The following EHBP1 variants were observed in gnomAD, a reference collection of about 807,000 sequenced individuals.
EHBP1 encodes the protein EH domain binding protein 1, also known as EH domain-binding protein 1.
A neutral mutation model predicts 144.0 loss-of-function variants in EHBP1; 55 were observed. That is an observed-to-expected ratio of 0.38 (90% CI 0.31 to 0.48). EHBP1 has a LOEUF of 0.48. Among genes scored for constraint, EHBP1 ranks in the 20% least tolerant of loss-of-function variants. The probability of loss-of-function intolerance (pLI) is 0.98; values close to 1 mark genes in which losing one functional copy is unlikely to be tolerated. For missense variants in EHBP1, 1,200 were observed against 1,364.2 expected, an observed-to-expected ratio of 0.88 and a Z score of 1.90; for synonymous variants, 469 against 472.7, an observed-to-expected ratio of 0.99 and a Z score of 0.10.
intron 15 of EHBP1, among the ~76,000 whole-genome samples, chr2:62,986,939 G>C (rs1472007341): frequency 6.6e-6 from 1 of 151,884 alleles, no homozygotes; most frequent in African/African-American, 2.4e-5. Context: ...TTATCAATTG[G>C]AAAAAAATCT....
intron 4 of EHBP1, among the ~76,000 whole-genome samples, chr2:62,769,163 A>G (rs878908951): frequency 2.4e-4 from 36 of 152,202 alleles, no homozygotes; most frequent in Non-Finnish European, 1.8e-4. Context: ...GGCCAGAGCA[A>G]TCAGGCAAGA....
At chr2:62,703,502 G>T (rs1333939184), upstream of EHBP1, among the ~76,000 whole-genome samples, 1 of 152,272 alleles carries the variant, frequency 6.6e-6, no homozygotes, top group Admixed American at 6.5e-5. Flanking sequence ...GCTCTGTAGG[G>T]CCTCCAGGAG....
At chr2:62,928,991 T>C (rs924014726) in intron 10 of EHBP1, among the ~76,000 whole-genome samples, 4 of 152,068 alleles carry the variant, frequency 2.6e-5, no homozygotes, top group East Asian at 1.9e-4. Context: ...CTAGGTGAAA[T>C]AGACAAATTC....
intron 5 of EHBP1, among the ~76,000 whole-genome samples, chr2:62,784,881 G>C (rs1244259740): frequency 1.3e-5 from 2 of 152,064 alleles, no homozygotes; most frequent in Non-Finnish European, 2.9e-5. Flanking sequence ...ATCACTTCTG[G>C]ACTATGAAAA....
At chr2:62,994,626 A>T (rs778637755) in intron 18 of EHBP1, among the ~76,000 whole-genome samples, 1 of 152,114 alleles carries the variant, frequency 6.6e-6, no homozygotes, top group Non-Finnish European at 1.5e-5. Context: ...TTTTGTCTGG[A>T]AGCATAGCTC....
At chr2:63,015,503 TG>T (rs1243025442) in intron 19 of EHBP1, among the ~76,000 whole-genome samples, 1 of 152,122 alleles carries the variant, frequency 6.6e-6, no homozygotes, top group African/African-American at 2.4e-5. Context: ...TTTGTGGTTT[TG>T]TGTTTGTTTG....
At chr2:62,893,366 G>A (rs2052615619) in intron 10 of EHBP1, among the ~76,000 whole-genome samples, 1 of 152,068 alleles carries the variant, frequency 6.6e-6, no homozygotes, top group African/African-American at 2.4e-5. Flanking sequence ...ATGTTAAAGT[G>A]CTGTAAAGTA....
At chr2:62,797,584 A>C (rs2043630691) in intron 5 of EHBP1, among the ~76,000 whole-genome samples, 1 of 152,226 alleles carries the variant, frequency 6.6e-6, no homozygotes, top group African/African-American at 2.4e-5. Context: ...AGCCAAGTTC[A>C]TTGTACACTT....
At chr2:63,041,176 A>G (rs566538464) in intron 21 of EHBP1, among the ~76,000 whole-genome samples, 1 of 152,328 alleles carries the variant, frequency 6.6e-6, no homozygotes, top group African/African-American at 2.4e-5. Context: ...AATATTCAAT[A>G]CATCCATTCT....
At chr2:62,746,065 T>C (rs2039120688) in intron 2 of EHBP1, among the ~76,000 whole-genome samples, 1 of 152,018 alleles carries the variant, frequency 6.6e-6, no homozygotes, top group South Asian at 2.1e-4. Flanking sequence ...AGTGCAGTAA[T>C]CTAGGTAAAA....
At chr2:62,792,053 TACA>T (rs1573373620) in intron 5 of EHBP1, among the ~76,000 whole-genome samples, 2 of 152,092 alleles carry the variant, frequency 1.3e-5, no homozygotes, top group East Asian at 1.9e-4. Context: ...GCCATCCAGA[TACA>T]ACATTAGACA....
intron 2 of EHBP1, among the ~76,000 whole-genome samples, chr2:62,729,514 A>AATATAAAAT (rs70962791): frequency 8.8e-6 from 1 of 113,846 alleles, no homozygotes; most frequent in Non-Finnish European, 1.7e-5. Flanking sequence ...AAATATAATA[A>AATATAAAAT]AATAAATAAA....
intron 19 of EHBP1, among the ~76,000 whole-genome samples, chr2:63,023,268 C>T (rs528293166): frequency 2.0e-5 from 3 of 151,972 alleles, no homozygotes; most frequent in East Asian, 3.9e-4. Flanking sequence ...TTTCTTTAAC[C>T]GTTTTTTGTT....
intron 7 of EHBP1, among the ~76,000 whole-genome samples, chr2:62,853,135 G>A (rs1346176010): frequency 6.6e-6 from 1 of 152,108 alleles, no homozygotes; most frequent in Non-Finnish European, 1.5e-5. Flanking sequence ...TGACAGCCTA[G>A]TATTTTCATA....
At chr2:62,786,600 A>G (rs1573345272) in intron 5 of EHBP1, among the ~76,000 whole-genome samples, 1 of 152,208 alleles carries the variant, frequency 6.6e-6, no homozygotes, top group African/African-American at 2.4e-5. Flanking sequence ...ACAGATTTTT[A>G]GTTTTGCCTG....
chr2:62,800,830 A>G (rs536399297), intron 5 of EHBP1, among the ~76,000 whole-genome samples: 1 of 152,304 alleles, frequency 6.6e-6, no homozygotes, highest in Non-Finnish European at 1.5e-5. Flanking sequence ...GTTCACTTTC[A>G]TTTTGGGCAT....
At chr2:62,697,040 C>T (rs1439915499) in intron 1 of EHBP1, among the ~76,000 whole-genome samples, 2 of 152,038 alleles carry the variant, frequency 1.3e-5, no homozygotes, top group East Asian at 3.8e-4. Flanking sequence ...CTGTCACATT[C>T]TTAATGACCA....
At chr2:62,842,709 C>A (rs144376904) in intron 7 of EHBP1, among the ~76,000 whole-genome samples, 377 of 152,142 alleles carry the variant, frequency 2.5e-3, no homozygotes, top group Non-Finnish European at 4.5e-3. Context: ...TTAATTGGAT[C>A]TTTTTAGTTA....
chr2:62,746,357 G>T lies in EHBP1; in HGVS notation c.105-1038G>T, dbSNP rs557182495. On this transcript the variant is annotated intron_variant, in intron 2 of 22. Coordinates refer to ENST00000431489, the MANE Select transcript of EHBP1 (RefSeq NM_001142616.3). ...GTTTGTAGGTGGATCGCTGAGTGAG[G>T]AGTTTAAGGCTGGAGGCCTCTTATG... is the stretch of plus-strand genomic sequence containing the variant. 1.1e-4 allele frequency among the ~76,000 whole-genome samples: 16 copies of T among 152,070 alleles called. No homozygotes were observed. The South Asian group carries it at 3.3e-3, about 32-fold the overall frequency.
Sources: allele counts gnomAD v4.1 joint callset (sites outside exome capture counted in the v4.1 genomes callset), GRCh38; gene constraint gnomAD v4.1.1; transcripts MANE v1.5; gene names NCBI Gene and HGNC (gene_info 2026-07-23, HGNC 2026-07-21).